MYOZ2: variants seen among roughly 807,000 people sequenced by gnomAD.
MYOZ2 encodes the protein myozenin 2.
Under a neutral mutation model 25.4 loss-of-function variants are expected in MYOZ2, and 19 were observed. The observed-to-expected ratio is 0.75, with a 90% CI of 0.52 to 1.10. The LOEUF (loss-of-function observed/expected upper bound fraction) is 1.10. MYOZ2 is among the 50% of genes least tolerant of loss of function. The pLI is 0.00. For synonymous variants in MYOZ2, 92 were observed against 106.9 expected, an observed-to-expected ratio of 0.86 and a Z score of 0.86; for missense variants, 270 against 317.9, an observed-to-expected ratio of 0.85 and a Z score of 1.15.
chr4:119,150,510 G>A (rs1397521733), intron 2 of MYOZ2, among the ~76,000 whole-genome samples: 1 of 151,522 alleles, frequency 6.6e-6, no homozygotes, highest in Admixed American at 6.6e-5. Context: ...AATGTGGGGA[G>A]CAAAACAGAG....
chr4:119,147,755 A>AAAAAAAAAG (rs1553957921), intron 2 of MYOZ2, among the ~76,000 whole-genome samples: 7 of 150,516 alleles, frequency 4.7e-5, no homozygotes, highest in Non-Finnish European at 1.0e-4. Flanking sequence ...AAAAAAAAAA[A>AAAAAAAAAG]AATCTACTTT....
chr4:119,169,266 C>T (rs969181721), intron 5 of MYOZ2, among the ~76,000 whole-genome samples: 38 of 152,124 alleles, frequency 2.5e-4, no homozygotes, highest in African/African-American at 7.0e-4. Flanking sequence ...CTTTTATATA[C>T]GCTGGGAAAT....
intron 2 of MYOZ2, among the ~76,000 whole-genome samples, chr4:119,148,095 T>C (rs945877911): frequency 6.6e-6 from 1 of 152,172 alleles, no homozygotes; most frequent in Admixed American, 6.5e-5. Flanking sequence ...CTTTATTTCT[T>C]GCAGGATATA....
At chr4:119,180,044 A>G (rs1195731617) in intron 5 of MYOZ2, among the ~76,000 whole-genome samples, 1 of 152,254 alleles carries the variant, frequency 6.6e-6, no homozygotes, top group Non-Finnish European at 1.5e-5. Flanking sequence ...GTAGGCACAC[A>G]TTAAATATGT....
At chr4:119,139,347 T>A (rs1305502749) in intron 2 of MYOZ2, among the ~76,000 whole-genome samples, 1 of 152,198 alleles carries the variant, frequency 6.6e-6, no homozygotes, top group Non-Finnish European at 1.5e-5. Flanking sequence ...CCACAGTTGT[T>A]ACCATCTAAC....
At position 119,186,111 on chromosome 4, in the gene MYOZ2, C is replaced by A; in HGVS notation, c.706C>A (p.Pro236Thr). 1 of 1,613,702 alleles carries A rather than the reference C, an allele frequency of 6.2e-7. No homozygotes were observed. The highest frequency in any genetic ancestry group is 8.5e-7 in the Non-Finnish European group (1 of 1,179,858). The change falls in exon 6 of 6, where the codon CCT (proline) becomes ACT (threonine). Residue 236 changes from proline (P) to threonine (T), a missense_variant. Transcript: ENST00000307128. The part of the protein sequence containing the change: ...LSGRRSFNRT[P>T]KGWISENIPI... Reference sequence around the variant, plus strand: ...TGGCAGACGGTCCTTTAATAGGACTCCTAAGGGATGGATATCTGAGAATAT... The same window carrying A: ...TGGCAGACGGTCCTTTAATAGGACTACTAAGGGATGGATATCTGAGAATAT...
At chr4:119,153,754 A>T (rs1386668904) in intron 3 of MYOZ2, among the ~76,000 whole-genome samples, 1 of 152,144 alleles carries the variant, frequency 6.6e-6, no homozygotes, top group Non-Finnish European at 1.5e-5. Flanking sequence ...TGTAGCTTTG[A>T]ATTCTACTGG....
rs1453257683 is a variant in MYOZ2 at position 119,150,914 on chromosome 4, G to A, written c.119G>A (p.Arg40Lys). ...CTGGGCAAAAAGGTCAGCATCCCCA[G>A]AGACATCATGTTGGAAGAATTATCC... ...MDLGKKVSIP[R>K]DIMLEELSHL... The change falls in exon 3 of 6, where the codon AGA (arginine) becomes AAA (lysine). Residue 40 changes from arginine to lysine, a missense_variant. By Grantham distance (26) the Arg-to-Lys change is conservative. Transcript: ENST00000307128. 1 of 1,613,934 alleles carries A rather than the reference G, an allele frequency of 6.2e-7. No homozygotes were observed. Among genetic ancestry groups the A allele is most frequent in the African/African-American group, 1.3e-5 (1 of 75,014 alleles).
rs147055095 is a variant in MYOZ2 at position 119,156,945 on chromosome 4, G to A, written c.247-1077G>A. On this transcript the variant is annotated intron_variant, in intron 3 of 5. Coordinates refer to ENST00000307128, the MANE Select transcript of MYOZ2 (RefSeq NM_016599.5). Reference sequence around the variant, plus strand: ...TTTATTTCCTTCATAATTTTATTAAGTGAGGATCTTAATTTATGGCCTTTA... The same window carrying A: ...TTTATTTCCTTCATAATTTTATTAAATGAGGATCTTAATTTATGGCCTTTA... Among the ~76,000 whole-genome samples, 1,258 of 152,252 alleles carry A rather than the reference G, an allele frequency of 8.3e-3. 17 individuals carry two copies. The highest frequency in any genetic ancestry group is 0.029 in the African/African-American group (1,184 of 41,536).
chr4:119,141,025 C>A (rs1741148783), intron 2 of MYOZ2, among the ~76,000 whole-genome samples: 1 of 152,168 alleles, frequency 6.6e-6, no homozygotes, highest in African/African-American at 2.4e-5. Flanking sequence ...ACAGTCTGGA[C>A]TATGATCTTA....
intron 2 of MYOZ2, among the ~76,000 whole-genome samples, chr4:119,145,338 G>GTTTT (rs60344545): frequency 1.8e-4 from 18 of 100,612 alleles, no homozygotes; most frequent in African/African-American, 4.3e-4. Context: ...TGCGTGTGTG[G>GTTTT]TTTTTTTTTT....
At chr4:119,181,079 A>G (rs1742178349) in intron 5 of MYOZ2, among the ~76,000 whole-genome samples, 1 of 152,140 alleles carries the variant, frequency 6.6e-6, no homozygotes, top group Non-Finnish European at 1.5e-5. Flanking sequence ...CACCTATTCA[A>G]TACTCTTTTT....
At chr4:119,157,887 T>C in intron 3 of MYOZ2, 135 bp from the exon 4 acceptor site, 2 of 1,050,334 alleles carry the variant, frequency 1.9e-6, no homozygotes, top group South Asian at 1.5e-5. Context: ...AAAAAAATTA[T>C]TGAGGTCCCA....
intron 1 of MYOZ2, among the ~76,000 whole-genome samples, chr4:119,136,277 T>G (rs1741019638): frequency 6.6e-6 from 1 of 152,214 alleles, no homozygotes; most frequent in South Asian, 2.1e-4. Flanking sequence ...TGTTTCTCAC[T>G]GCCTGATGAT....
intron 5 of MYOZ2, among the ~76,000 whole-genome samples, chr4:119,177,924 C>T: frequency 6.6e-6 from 1 of 152,242 alleles, no homozygotes; most frequent in Admixed American, 6.5e-5. Flanking sequence ...CCTCAAATTT[C>T]TATGCTTTTT....
intron 2 of MYOZ2, among the ~76,000 whole-genome samples, chr4:119,143,949 T>C (rs1168922667): frequency 6.6e-6 from 1 of 152,212 alleles, no homozygotes; most frequent in East Asian, 1.9e-4. Flanking sequence ...GTTGTTAAGA[T>C]GTAATACAGG....
chr4:119,164,100 A>C (rs1460626855), intron 4 of MYOZ2, 111 bp from the exon 5 acceptor site: 1 of 1,028,032 alleles, frequency 9.7e-7, no homozygotes, highest in Non-Finnish European at 1.5e-6. Context: ...AAAAGGATGC[A>C]TGCTTCATAA....
intron 5 of MYOZ2, among the ~76,000 whole-genome samples, chr4:119,164,881 A>G (rs1741787380): frequency 1.3e-5 from 2 of 152,054 alleles, no homozygotes; most frequent in Admixed American, 6.6e-5. Flanking sequence ...CAGAAGAGGT[A>G]CAACCCAAAA....
intron 3 of MYOZ2, among the ~76,000 whole-genome samples, chr4:119,152,319 T>C (rs767504068): frequency 7.2e-5 from 11 of 152,010 alleles, no homozygotes; most frequent in Non-Finnish European, 1.5e-4. Flanking sequence ...TCTGCTGGAG[T>C]CTATGTAATC....
Sources: allele counts gnomAD v4.1 joint callset (sites outside exome capture counted in the v4.1 genomes callset), GRCh38; gene constraint gnomAD v4.1.1; transcripts MANE v1.5; gene names NCBI Gene and HGNC (gene_info 2026-07-23, HGNC 2026-07-21).